Variants in NDRG2 observed in about 807,000 individuals in gnomAD.
NDRG2 encodes the protein protein NDRG2.
A neutral mutation model predicts 58.2 loss-of-function variants in NDRG2; 34 were observed. The observed-to-expected ratio is 0.58, with a 90% CI of 0.44 to 0.78. NDRG2 has a LOEUF of 0.78. Among genes scored for constraint, NDRG2 ranks in the 30% least tolerant of loss-of-function variants. NDRG2 has a pLI of 0.00. For synonymous variants in NDRG2, 187 were observed against 175.9 expected, an observed-to-expected ratio of 1.06 and a Z score of -0.50; for missense variants, 434 against 471.2, an observed-to-expected ratio of 0.92 and a Z score of 0.73.
At chr14:21,025,394 CTGG>C (rs1409317108), upstream of NDRG2, 22 of 985,670 alleles carry the variant, frequency 2.2e-5, no homozygotes, top group Non-Finnish European at 2.7e-5. This position sits in a 1 kb window ranked among gnomAD's most constrained non-coding sequence, Gnocchi z 5.1. Flanking sequence ...CATCCACGAC[CTGG>C]ATCTGCAATT....
At chr14:21,063,218 A>ATG (rs1311970007) in intron 1 of NDRG2, among the ~76,000 whole-genome samples, 8 of 149,648 alleles carry the variant, frequency 5.3e-5, no homozygotes, top group South Asian at 2.1e-4. Context: ...AGTGGTGTGT[A>ATG]TGTGTGTGTG....
chr14:21,054,090 A>G (rs557675264), intron 1 of NDRG2, among the ~76,000 whole-genome samples: 3 of 152,316 alleles, frequency 2.0e-5, no homozygotes, highest in Non-Finnish European at 4.4e-5. Context: ...ATCAGTAAAA[A>G]TTGGCTCTGA....
upstream of NDRG2, among the ~76,000 whole-genome samples, chr14:21,026,125 C>T (rs1883583841): frequency 1.3e-5 from 2 of 152,120 alleles, no homozygotes; most frequent in South Asian, 4.1e-4. Flanking sequence ...GGGTTTGCCA[C>T]TGTAGACTTT....
intron 11 of NDRG2, 54 bp from the exon 12 acceptor site, chr14:21,018,868 G>A: frequency 1.2e-6 from 2 of 1,604,474 alleles, no homozygotes; most frequent in Non-Finnish European, 8.5e-7. Context: ...TCCCTCACTG[G>A]CCTCTGCCTA....
At chr14:21,050,129 C>T (rs1350427670) in intron 1 of NDRG2, among the ~76,000 whole-genome samples, 1 of 152,154 alleles carries the variant, frequency 6.6e-6, no homozygotes, top group Non-Finnish European at 1.5e-5. Context: ...TGCAAATGGG[C>T]AGACCCCCGG....
chr14:21,057,922 C>CTG (rs760324288), intron 1 of NDRG2: 5 of 1,609,596 alleles, frequency 3.1e-6, no homozygotes, highest in Non-Finnish European at 1.7e-6. Flanking sequence ...GATGCTGCCC[C>CTG]CTGCTGCTGC....
At chr14:21,042,114 G>C (rs983365474) in intron 1 of NDRG2, 2 of 152,222 alleles carry the variant, frequency 1.3e-5, no homozygotes, top group Admixed American at 6.5e-5. Flanking sequence ...CTCTATTAAA[G>C]AGTCATTAAA....
upstream of NDRG2, among the ~76,000 whole-genome samples, chr14:21,026,449 C>A (rs1049368131): frequency 1.3e-5 from 2 of 151,510 alleles, no homozygotes; most frequent in Non-Finnish European, 2.9e-5. Context: ...ACACCAGCAC[C>A]GACTGCCCCC....
chr14:21,026,393 G>A (rs890944724), upstream of NDRG2, among the ~76,000 whole-genome samples: 69 of 148,844 alleles, frequency 4.6e-4, no homozygotes, highest in Middle Eastern at 3.3e-3. Context: ...CTGGGCGCCA[G>A]GCCAGTCAGG....
Position 21,070,754 on chromosome 14 carries a change from C to A in NDRG2, c.24+74G>T. On this transcript the variant is annotated intron_variant, in intron 1 of 14. Coordinates refer to the NDRG2 transcript ENST00000403829. The surrounding 1 kb of genome is among the most constrained non-coding windows in gnomAD (Gnocchi z 4.7). Reference sequence around the variant, plus strand: ...CCCCTCCTGGTCCGAGCTCCTTACCCGCGGGAGACCCCTGCGGGTTGGTCC... The same window carrying A: ...CCCCTCCTGGTCCGAGCTCCTTACCAGCGGGAGACCCCTGCGGGTTGGTCC... The A allele has an allele frequency of 6.7e-7, 1 of 1,492,716 alleles. No individual in the cohort carries two copies. Among genetic ancestry groups the A allele is most frequent in the Non-Finnish European group, 9.0e-7 (1 of 1,108,950 alleles). 92.5% of individuals were successfully genotyped at this position (1,492,716 alleles called of 1,614,324 possible). A position where few individuals can be genotyped will look rare whatever the true frequency, so the allele number is the denominator to read the frequency against.
chr14:21,065,234 A>G (rs1886203077), intron 1 of NDRG2, among the ~76,000 whole-genome samples: 1 of 151,738 alleles, frequency 6.6e-6, no homozygotes, highest in Non-Finnish European at 1.5e-5. Flanking sequence ...ACTTGCAAAT[A>G]TCCTCCAACA....
chr14:21,036,224 A>G (rs1566492326), intron 1 of NDRG2: 1 of 456,148 alleles, frequency 2.2e-6, no homozygotes. Flanking sequence ...CAGCACACAC[A>G]CTCCAACTCC....
intron 5 of NDRG2, 87 bp downstream of exon 5, chr14:21,021,975 C>A (rs1594412805): frequency 6.2e-7 from 1 of 1,611,598 alleles, no homozygotes; most frequent in Non-Finnish European, 8.5e-7. Flanking sequence ...TAACCACTGC[C>A]CTCCCTTTCC....
chr14:21,058,212 T>C (rs1885770624), intron 1 of NDRG2: 17 of 1,614,128 alleles, frequency 1.1e-5, no homozygotes, highest in Non-Finnish European at 1.4e-5. Flanking sequence ...TCCCTGACCA[T>C]GGGTGAGCTC....
At chr14:21,034,844 A>C (rs559991074) in intron 1 of NDRG2, 1 of 153,560 alleles carries the variant, frequency 6.5e-6, no homozygotes, top group East Asian at 1.9e-4. Context: ...AGAGGGTTGG[A>C]TGGGTGGGAG....
chr14:21,069,831 T>A (rs61978198), intron 1 of NDRG2, among the ~76,000 whole-genome samples: 7,749 of 152,178 alleles, frequency 0.051, 198 homozygotes, highest in South Asian at 0.083. Context: ...CTAGAAACCG[T>A]TGAGAGAAGA....
At chr14:21,046,598 G>A (rs1885173941) in intron 1 of NDRG2, among the ~76,000 whole-genome samples, 2 of 125,506 alleles carry the variant, frequency 1.6e-5, no homozygotes, top group South Asian at 5.2e-4. Context: ...TACATACCTT[G>A]GTCTCAGAAA....
upstream of NDRG2, chr14:21,028,800 G>A (rs1046000812): frequency 1.3e-5 from 2 of 152,044 alleles, no homozygotes; most frequent in African/African-American, 4.8e-5. Flanking sequence ...ACTATGAGAT[G>A]ATAAGAACTT....
In NDRG2 at chr14:21,025,034, G is replaced by A; in HGVS notation, c.-1011C>T. ...TCGCCTGCCCCTCCCCCTACCTGCT[G>A]CCGCCGCGGCCGCTTCCACCTTCAC... On this transcript the variant is annotated 5_prime_UTR_variant, in exon 1 of 16. Coordinates refer to ENST00000556147, the MANE Select transcript of NDRG2 (RefSeq NM_001320329.2). The surrounding 1 kb of genome is among the most constrained non-coding windows in gnomAD (Gnocchi z 5.1). 1.0e-6 allele frequency: 1 copy of A among 985,748 alleles called. No homozygotes were observed. Among genetic ancestry groups the A allele is most frequent in the Non-Finnish European group, 1.2e-6 (1 of 830,336 alleles). The allele number at this position is 985,748 out of a possible 1,614,324, so 61.1% of individuals were successfully genotyped here.
Sources: allele counts gnomAD v4.1 joint callset (sites outside exome capture counted in the v4.1 genomes callset), GRCh38; gene constraint gnomAD v4.1.1; non-coding constraint Gnocchi (gnomAD v3.1); transcripts MANE v1.5; gene names NCBI Gene and HGNC (gene_info 2026-07-23, HGNC 2026-07-21).